Variants in KCNJ6 observed in about 807,000 individuals in gnomAD.
KCNJ6 encodes G protein-activated inward rectifier potassium channel 2.
In KCNJ6, 9 loss-of-function variants were observed where a neutral mutation model predicts 34.2. The observed-to-expected ratio is 0.26, with a 90% CI of 0.16 to 0.46. The LOEUF is 0.46. Among genes scored for constraint, KCNJ6 ranks in the 20% least tolerant of loss-of-function variants. The pLI, the probability that KCNJ6 is intolerant of heterozygous loss-of-function variation, is 1.00. For synonymous variants in KCNJ6, 196 were observed against 207.1 expected (o/e 0.95, Z 0.46); for missense variants, 236 against 531.3 (o/e 0.44, Z 5.46).
chr21:37,762,727 T>A (rs991521686), intron 2 of KCNJ6, among the ~76,000 whole-genome samples: 1 of 152,086 alleles, frequency 6.6e-6, no homozygotes, highest in Non-Finnish European at 1.5e-5. Flanking sequence ...CGCTGTGTGA[T>A]GATTGCTGAT....
intron 2 of KCNJ6, among the ~76,000 whole-genome samples, chr21:37,793,532 C>A (rs998713026): frequency 4.1e-5 from 5 of 121,792 alleles, no homozygotes; most frequent in Admixed American, 3.5e-4. Flanking sequence ...GGTGAAAGAG[C>A]GAGACTCCAT....
At chr21:37,668,647 G>A (rs2054528050) in intron 3 of KCNJ6, among the ~76,000 whole-genome samples, 1 of 152,202 alleles carries the variant, frequency 6.6e-6, no homozygotes, top group Admixed American at 6.5e-5. Flanking sequence ...GTGTCTTCCT[G>A]TCTGAGCCTG....
chr21:37,807,872 T>C (rs1236527860), intron 2 of KCNJ6, among the ~76,000 whole-genome samples: 1 of 152,180 alleles, frequency 6.6e-6, no homozygotes, highest in East Asian at 1.9e-4. Context: ...GACAAGTAGA[T>C]GTGGCAGTAG....
At chr21:37,720,122 T>TTTAA (rs1359579064) in intron 2 of KCNJ6, among the ~76,000 whole-genome samples, 3 of 152,294 alleles carry the variant, frequency 2.0e-5, no homozygotes, top group African/African-American at 4.8e-5. Context: ...CATGAGTACT[T>TTTAA]TTAATTTTCT....
At chr21:37,667,253 A>G (rs1192772474) in intron 3 of KCNJ6, among the ~76,000 whole-genome samples, 9 of 147,496 alleles carry the variant, frequency 6.1e-5, no homozygotes, top group Non-Finnish European at 1.0e-4. Context: ...GATGAGTGTG[A>G]GTTCCTTTTG....
In KCNJ6 at chr21:37,882,274, T is replaced by C. The variant is rs568791039; in HGVS notation, c.-28+33610A>G. On this transcript the variant is annotated intron_variant, in intron 1 of 3. Coordinates refer to ENST00000609713, the MANE Select transcript of KCNJ6 (RefSeq NM_002240.5). ...TGGGTTGACAGATGAGCGTGCTGGGTATACAATCAATATGTGTGCTCAGAA... is the reference window on the plus strand; with the variant it reads ...TGGGTTGACAGATGAGCGTGCTGGGCATACAATCAATATGTGTGCTCAGAA... Among the ~76,000 whole-genome samples the C allele has an allele frequency of 1.3e-4, 20 of 152,268 alleles. No individual in the cohort carries two copies. In the South Asian group the frequency reaches 4.1e-3, roughly 32 times the overall value.
chr21:37,640,537 C>A (rs1052644650), intron 3 of KCNJ6, among the ~76,000 whole-genome samples: 5 of 152,198 alleles, frequency 3.3e-5, no homozygotes, highest in African/African-American at 1.2e-4. Flanking sequence ...GTAGAATTAG[C>A]CTCATTGATC....
intron 3 of KCNJ6, among the ~76,000 whole-genome samples, chr21:37,633,903 A>G (rs2054344934): frequency 6.8e-6 from 1 of 146,502 alleles, no homozygotes; most frequent in Non-Finnish European, 1.5e-5. Context: ...GATTCAATAC[A>G]ATCCCAACAA....
intron 3 of KCNJ6, among the ~76,000 whole-genome samples, chr21:37,700,189 G>A (rs1268309486): frequency 6.6e-6 from 1 of 152,212 alleles, no homozygotes; most frequent in Non-Finnish European, 1.5e-5. Flanking sequence ...ACATCATGGA[G>A]ATTTGCAGAA....
chr21:37,897,352 T>A (rs2055794046), intron 1 of KCNJ6, among the ~76,000 whole-genome samples: 1 of 152,176 alleles, frequency 6.6e-6, no homozygotes, highest in Admixed American at 6.5e-5. Flanking sequence ...TGACCCCCGA[T>A]GACAGCCAAA....
chr21:37,746,685 C>T (rs908311317), intron 2 of KCNJ6, among the ~76,000 whole-genome samples: 3 of 152,144 alleles, frequency 2.0e-5, no homozygotes, highest in Admixed American at 6.5e-5. Flanking sequence ...ACGTCTCCTG[C>T]GACCTTAAAC....
At chr21:37,784,050 T>TA (rs2055181988) in intron 2 of KCNJ6, among the ~76,000 whole-genome samples, 1 of 152,134 alleles carries the variant, frequency 6.6e-6, no homozygotes, top group Non-Finnish European at 1.5e-5. Flanking sequence ...CAGTTTGGGG[T>TA]ATTTTGTTAT....
At chr21:37,881,648 C>A (rs545514088) in intron 1 of KCNJ6, among the ~76,000 whole-genome samples, 4 of 152,080 alleles carry the variant, frequency 2.6e-5, no homozygotes, top group African/African-American at 9.7e-5. Flanking sequence ...TCCAAAGTGC[C>A]GGGATTACAA....
At chr21:37,873,185 T>C (rs1169131124) in intron 1 of KCNJ6, among the ~76,000 whole-genome samples, 1 of 152,164 alleles carries the variant, frequency 6.6e-6, no homozygotes, top group East Asian at 1.9e-4. Context: ...CAGCACAACA[T>C]CACCATCCCA....
intron 2 of KCNJ6, among the ~76,000 whole-genome samples, chr21:37,752,339 G>A (rs2123484187): frequency 6.6e-6 from 1 of 152,230 alleles, no homozygotes; most frequent in South Asian, 2.1e-4. Flanking sequence ...GCAACAGGCT[G>A]ACCAGCATCC....
At chr21:37,648,218 G>T (rs558962753) in intron 3 of KCNJ6, among the ~76,000 whole-genome samples, 1 of 152,332 alleles carries the variant, frequency 6.6e-6, no homozygotes, top group South Asian at 2.1e-4. Flanking sequence ...GTGCCCCTGA[G>T]GGCATAGGCT....
At chr21:37,712,483 TCTCTTCCCTCCCTCCTCCCCTTCTC>T (rs2054759153) in intron 3 of KCNJ6, among the ~76,000 whole-genome samples, 1 of 67,714 alleles carries the variant, frequency 1.5e-5, no homozygotes, top group African/African-American at 4.8e-5. Flanking sequence ...CTCCTCCCTT[TCTCTTCCCTCCCTCCTCCCCTTCTC>T]CTCCTCTCCT....
At chr21:37,820,342 C>T (rs867732399) in intron 2 of KCNJ6, among the ~76,000 whole-genome samples, 25 of 152,102 alleles carry the variant, frequency 1.6e-4, no homozygotes, top group Admixed American at 3.9e-4. Context: ...TTAATTGTTT[C>T]GGATTGATCT....
chr21:37,676,931 C>A (rs1310559007), intron 3 of KCNJ6, among the ~76,000 whole-genome samples: 1 of 152,192 alleles, frequency 6.6e-6, no homozygotes, highest in East Asian at 1.9e-4. Flanking sequence ...CTCTATGTCC[C>A]CTTCCCCACC....
Sources: allele counts gnomAD v4.1 joint callset (sites outside exome capture counted in the v4.1 genomes callset), GRCh38; gene constraint gnomAD v4.1.1; transcripts MANE v1.5; gene names NCBI Gene and HGNC (gene_info 2026-07-23, HGNC 2026-07-21).